Variants in SMIM10L3 observed in about 807,000 individuals in gnomAD.
SMIM10L3 encodes salivary gland specific protein SAGSIN1.
the SMIM10L3 span, among the ~76,000 whole-genome samples, chr7:6,339,045 G>A: frequency 6.6e-5 from 10 of 152,162 alleles, no homozygotes; most frequent in East Asian, 1.9e-4. Context: ...ACAAACCCCC[G>A]GATTTCCACA....
the SMIM10L3 span, among the ~76,000 whole-genome samples, chr7:6,347,206 C>T: frequency 6.6e-6 from 1 of 152,106 alleles, no homozygotes. Flanking sequence ...AACTGGAATT[C>T]AAGGGATGTA....
the SMIM10L3 span, among the ~76,000 whole-genome samples, chr7:6,343,397 C>CATTCATATATATAT: frequency 1.1e-5 from 1 of 86,994 alleles, no homozygotes. Context: ...ATAATAATTT[C>CATTCATATATATAT]ATATATATAT....
At chr7:6,329,804 A>C in the SMIM10L3 span, 1 of 166,966 alleles carries the variant, frequency 6.0e-6, no homozygotes, top group East Asian at 1.9e-4. Flanking sequence ...CTAAAGGTAA[A>C]CTTAATATTG....
chr7:6,341,687 CAAA>C, the SMIM10L3 span, among the ~76,000 whole-genome samples: 5 of 110,734 alleles, frequency 4.5e-5, no homozygotes, highest in Non-Finnish European at 5.7e-5. Flanking sequence ...AAGACTCTGT[CAAA>C]AAAAAAAAAA....
chr7:6,339,242 G>A, the SMIM10L3 span, among the ~76,000 whole-genome samples: 1 of 152,216 alleles, frequency 6.6e-6, no homozygotes, highest in Admixed American at 6.6e-5. Flanking sequence ...CCGAGGTGGG[G>A]AGATCACTTG....
the SMIM10L3 span, among the ~76,000 whole-genome samples, chr7:6,341,645 G>A: frequency 4.1e-5 from 6 of 147,858 alleles, no homozygotes; most frequent in Non-Finnish European, 7.5e-5. Flanking sequence ...AGCTGAGATC[G>A]CGCCACCGCA....
At chr7:6,331,342 T>A in the SMIM10L3 span, 1 of 638,424 alleles carries the variant, frequency 1.6e-6, no homozygotes. Context: ...TTTATGACAG[T>A]CTCCAGTACA....
At chr7:6,342,273 G>A in the SMIM10L3 span, among the ~76,000 whole-genome samples, 4 of 150,624 alleles carry the variant, frequency 2.7e-5, no homozygotes, top group South Asian at 2.1e-4. Flanking sequence ...GGCTGGGTGC[G>A]GTGGCTCACA....
At chr7:6,346,510 G>A in the SMIM10L3 span, among the ~76,000 whole-genome samples, 2 of 152,162 alleles carry the variant, frequency 1.3e-5, no homozygotes, top group African/African-American at 4.8e-5. Flanking sequence ...GGGACTACAG[G>A]TGCACGCCAC....
the SMIM10L3 span, among the ~76,000 whole-genome samples, chr7:6,346,573 G>T: frequency 6.6e-6 from 1 of 152,148 alleles, no homozygotes; most frequent in African/African-American, 2.4e-5. Flanking sequence ...TAGAGACAGG[G>T]TTTCACCCTG....
At chr7:6,333,779 T>C in the SMIM10L3 span, among the ~76,000 whole-genome samples, 3 of 151,570 alleles carry the variant, frequency 2.0e-5, no homozygotes, top group African/African-American at 7.3e-5. Flanking sequence ...TGTCTTTTTT[T>C]TTTTTTTAAT....
At chr7:6,347,224 C>G in the SMIM10L3 span, among the ~76,000 whole-genome samples, 2 of 152,114 alleles carry the variant, frequency 1.3e-5, no homozygotes, top group Non-Finnish European at 2.9e-5. Flanking sequence ...GTAGAAATAT[C>G]AGTCTCTTGG....
At chr7:6,338,486 A>G in the SMIM10L3 span, 1 of 152,194 alleles carries the variant, frequency 6.6e-6, no homozygotes, top group Non-Finnish European at 1.5e-5. Flanking sequence ...AATAAAGTGT[A>G]GCCCTGGGTT....
At chr7:6,346,131 G>A in the SMIM10L3 span, among the ~76,000 whole-genome samples, 1 of 151,912 alleles carries the variant, frequency 6.6e-6, no homozygotes, top group African/African-American at 2.4e-5. Context: ...ATTTCTCTTG[G>A]TGCTGACTAG....
At chr7:6,331,935 G>C in the SMIM10L3 span, among the ~76,000 whole-genome samples, 1 of 151,646 alleles carries the variant, frequency 6.6e-6, no homozygotes, top group African/African-American at 2.4e-5. Context: ...TAGTAGAGAT[G>C]AGGGTTCGCC....
At chr7:6,338,088 G>A in the SMIM10L3 span, among the ~76,000 whole-genome samples, 1 of 152,156 alleles carries the variant, frequency 6.6e-6, no homozygotes, top group African/African-American at 2.4e-5. Flanking sequence ...ACAGGCGTGA[G>A]CCACTATGCC....
At chr7:6,330,711 T>C in the SMIM10L3 span, 58 of 1,613,936 alleles carry the variant, frequency 3.6e-5, 1 homozygote, top group South Asian at 6.4e-4. Flanking sequence ...CCCGAGGCTC[T>C]CCTTTGGGGC....
the SMIM10L3 span, among the ~76,000 whole-genome samples, chr7:6,344,036 C>T: frequency 6.3e-3 from 957 of 152,096 alleles, 10 homozygotes; most frequent in Non-Finnish European, 7.9e-3. Flanking sequence ...CAGGCATGCA[C>T]CACTACATTC....
the SMIM10L3 span, among the ~76,000 whole-genome samples, chr7:6,342,525 C>G: frequency 6.6e-6 from 1 of 151,534 alleles, no homozygotes; most frequent in Admixed American, 6.6e-5. Flanking sequence ...GGTGACAAAG[C>G]GAGACTCTGT....
Sources: gnomAD v4.1 joint callset for allele counts (sites outside exome capture counted in the v4.1 genomes callset) on GRCh38, gnomAD v4.1.1 for gene constraint, MANE v1.5 for transcripts, NCBI Gene and HGNC (gene_info 2026-07-23, HGNC 2026-07-21) for gene names.